The following PDZD8 variants were observed in gnomAD, a reference collection of about 807,000 sequenced individuals.
PDZD8 encodes PDZ domain containing 8, also known as PDZ domain-containing protein 8.
A neutral mutation model predicts 85.8 loss-of-function variants in PDZD8; 14 were observed. That is an observed-to-expected ratio of 0.16 (90% CI 0.11 to 0.26). PDZD8 has a LOEUF of 0.26. Ranked by LOEUF, PDZD8 falls within the 10% of genes least tolerant of loss-of-function variation. The pLI is 1.00. For missense variants in PDZD8, 1,197 were observed against 1,424.3 expected, an observed-to-expected ratio of 0.84 and a Z score of 2.57; for synonymous variants, 592 against 568.6, an observed-to-expected ratio of 1.04 and a Z score of -0.59.
intron 2 of PDZD8, among the ~76,000 whole-genome samples, chr10:117,337,369 A>G (rs1273925976): frequency 6.6e-6 from 1 of 152,214 alleles, no homozygotes; most frequent in Non-Finnish European, 1.5e-5. Flanking sequence ...CAGCCATTGC[A>G]TTCATCTGTG....
At chr10:117,342,391 GAT>G (rs1844629675) in intron 1 of PDZD8, among the ~76,000 whole-genome samples, 1 of 43,186 alleles carries the variant, frequency 2.3e-5, no homozygotes, top group Admixed American at 2.8e-4. Flanking sequence ...CACACAAACA[GAT>G]ACACACACAC....
At chr10:117,318,131 G>A (rs1226879014) in intron 3 of PDZD8, among the ~76,000 whole-genome samples, 1 of 152,148 alleles carries the variant, frequency 6.6e-6, no homozygotes, top group Non-Finnish European at 1.5e-5. Context: ...CTGTAGTACT[G>A]GGTACATGCT....
intron 1 of PDZD8, among the ~76,000 whole-genome samples, chr10:117,354,350 C>G (rs7922754): frequency 0.036 from 5,452 of 152,280 alleles, 319 homozygotes; most frequent in African/African-American, 0.12. Flanking sequence ...AAGTTCGTGG[C>G]TTGTTATAAG....
At chr10:117,365,309 TA>T (rs571605633) in intron 1 of PDZD8, among the ~76,000 whole-genome samples, 8 of 152,142 alleles carry the variant, frequency 5.3e-5, no homozygotes, top group Non-Finnish European at 1.0e-4. Context: ...GAAGTAGGTA[TA>T]TATAGAAAAC....
At chr10:117,318,524 T>G (rs1396155072) in intron 3 of PDZD8, among the ~76,000 whole-genome samples, 1 of 152,164 alleles carries the variant, frequency 6.6e-6, no homozygotes, top group Non-Finnish European at 1.5e-5. Flanking sequence ...TAAGTGCTCA[T>G]AAAATATCTG....
chr10:117,303,358 T>A (rs1843879851), intron 3 of PDZD8, among the ~76,000 whole-genome samples: 1 of 152,224 alleles, frequency 6.6e-6, no homozygotes, highest in Non-Finnish European at 1.5e-5. Flanking sequence ...TTAGGGTATC[T>A]GGCAGAAGAA....
At chr10:117,297,322 A>G (rs1376430559) in intron 3 of PDZD8, among the ~76,000 whole-genome samples, 2 of 152,184 alleles carry the variant, frequency 1.3e-5, no homozygotes, top group African/African-American at 4.8e-5. Context: ...GGAATATAAA[A>G]TGGTACAGCT....
At chr10:117,339,611 T>C (rs558278358) in intron 2 of PDZD8, among the ~76,000 whole-genome samples, 1 of 152,314 alleles carries the variant, frequency 6.6e-6, no homozygotes, top group South Asian at 2.1e-4. Context: ...TTTTATAACA[T>C]ATGAAAATTA....
Position 117,374,415 on chromosome 10 carries a change from G to A in PDZD8, c.813C>T (p.Ile271=). The part of the protein sequence containing the change: ...GRPMPQLTSI[I]VNQLKKIIKR... Reference sequence around the variant, plus strand: ...TGATGATCTTCTTGAGCTGGTTGACGATGATGGAGGTGAGCTGGGGCATGG... The same window carrying A: ...TGATGATCTTCTTGAGCTGGTTGACAATGATGGAGGTGAGCTGGGGCATGG... Residue 271 remains isoleucine (I), a synonymous_variant, in exon 1 of 5, where the codon ATC becomes ATT. Coordinates refer to ENST00000334464, the MANE Select transcript of PDZD8 (RefSeq NM_173791.5). The surrounding 1 kb of genome is among the most constrained non-coding windows in gnomAD (Gnocchi z 7.8). The A allele has an allele frequency of 3.1e-6, 5 of 1,614,236 alleles. No individual in the cohort carries two copies. The highest frequency in any genetic ancestry group is 4.2e-6 in the Non-Finnish European group (5 of 1,180,042).
chr10:117,349,919 T>C (rs1844774537), intron 1 of PDZD8, among the ~76,000 whole-genome samples: 1 of 152,220 alleles, frequency 6.6e-6, no homozygotes, highest in Non-Finnish European at 1.5e-5. Context: ...GGATATTACT[T>C]AGTGAAATCT....
intron 2 of PDZD8, among the ~76,000 whole-genome samples, chr10:117,323,523 C>T (rs912655027): frequency 1.3e-5 from 2 of 152,094 alleles, no homozygotes; most frequent in African/African-American, 4.8e-5. Context: ...AAAGCATAGA[C>T]AATTTTCTAA....
chr10:117,301,719 A>T (rs1178041363), intron 3 of PDZD8, among the ~76,000 whole-genome samples: 1 of 152,198 alleles, frequency 6.6e-6, no homozygotes, highest in Non-Finnish European at 1.5e-5. Flanking sequence ...CTAGGGCTAA[A>T]TTTCCTATTT....
At chr10:117,316,749 A>G (rs1844137318) in intron 3 of PDZD8, among the ~76,000 whole-genome samples, 1 of 152,182 alleles carries the variant, frequency 6.6e-6, no homozygotes, top group Non-Finnish European at 1.5e-5. Context: ...GACTGGCTAC[A>G]TAAAAGCCAT....
chr10:117,294,944 T>TA (rs1344622706), intron 3 of PDZD8, among the ~76,000 whole-genome samples: 1 of 152,134 alleles, frequency 6.6e-6, no homozygotes, highest in African/African-American at 2.4e-5. Flanking sequence ...CACAATAGGG[T>TA]AACTATAGTT....
At chr10:117,339,128 C>CAAAA (rs71013660) in intron 2 of PDZD8, among the ~76,000 whole-genome samples, 1 of 129,408 alleles carries the variant, frequency 7.7e-6, no homozygotes, top group African/African-American at 3.0e-5. Flanking sequence ...TGGACTTAAC[C>CAAAA]AAAAAAAAAA....
rs1387732885 is a variant in PDZD8 at position 117,284,613 on chromosome 10, C to T, written c.2120G>A (p.Cys707Tyr). Reference protein sequence around the residue: ...RASCLFDIEACHRYLNIALWC... With the variant: ...RASCLFDIEAYHRYLNIALWC... ...CAATGCAATGTTTAAGTACCTGTGA[C>T]AGGCTTCTATGTCAAACAAACAGGA... is the stretch of plus-strand genomic sequence containing the variant. Residue 707 changes from cysteine to tyrosine, a missense_variant, in exon 5 of 5, where the codon TGT becomes TAT. Coordinates refer to ENST00000334464, the MANE Select transcript of PDZD8 (RefSeq NM_173791.5). 18 of 1,614,200 alleles carry T rather than the reference C, an allele frequency of 1.1e-5. No individual in the cohort carries two copies. Among genetic ancestry groups the T allele is most frequent in the Admixed American group, 1.7e-5 (1 of 60,032 alleles).
intron 3 of PDZD8, among the ~76,000 whole-genome samples, chr10:117,314,800 T>C (rs367756852): frequency 6.6e-6 from 1 of 152,210 alleles, no homozygotes; most frequent in Non-Finnish European, 1.5e-5. Context: ...TCCTTTCTGA[T>C]AGTGACATAT....
At position 117,280,672 on chromosome 10, in the gene PDZD8, C is replaced by T. The variant is rs551192739; in HGVS notation, c.*2596G>A. On this transcript the variant is annotated 3_prime_UTR_variant, in exon 5 of 5. Coordinates refer to ENST00000334464, the MANE Select transcript of PDZD8 (RefSeq NM_173791.5). ...CTAAAGTACAACTATGATGTCTCTA[C>T]TGCCTCTCCCAGTGAAATATAAAAA... The T allele has an allele frequency of 5.9e-5, 9 of 152,330 alleles. No homozygotes were observed. The highest frequency in any genetic ancestry group is 1.9e-4 in the African/African-American group (8 of 41,578). 9.4% of individuals were successfully genotyped at this position (152,330 alleles called of 1,614,324 possible).
In PDZD8 at chr10:117,374,313, C is replaced by T. The variant is rs780654167; in HGVS notation, c.872+43G>A. 1.3e-5 allele frequency: 20 copies of T among 1,599,262 alleles called. 2 individuals are homozygous for T. Among genetic ancestry groups the T allele is most frequent in the South Asian group, 1.0e-4 (9 of 88,544 alleles). ...ATCCACGCAGCGTCCCGCCCAGGCC[C>T]GGGTTCCCGGCAGCCAGGCCCCCTC... On this transcript the variant is annotated intron_variant, in intron 1 of 4. Transcript: ENST00000334464. The surrounding 1 kb of genome is among the most constrained non-coding windows in gnomAD (Gnocchi z 7.8).
Sources: gnomAD v4.1 joint callset for allele counts (sites outside exome capture counted in the v4.1 genomes callset) on GRCh38, gnomAD v4.1.1 for gene constraint, Gnocchi (gnomAD v3.1) non-coding constraint, MANE v1.5 for transcripts, NCBI Gene and HGNC (gene_info 2026-07-23, HGNC 2026-07-21) for gene names.